Variants in PCDH9 observed in about 807,000 individuals in gnomAD.
PCDH9 encodes the protein protocadherin-9.
A neutral mutation model predicts 70.6 loss-of-function variants in PCDH9; 24 were observed. That is an observed-to-expected ratio of 0.34 (90% confidence interval 0.25 to 0.48). The LOEUF is 0.48. Ranked by LOEUF, PCDH9 falls within the 20% of genes least tolerant of loss-of-function variation. PCDH9 has a pLI of 0.99. For missense variants in PCDH9, 1,281 were observed against 1,503.6 expected, an observed-to-expected ratio of 0.85 and a Z score of 2.45; for synonymous variants, 562 against 558.5, an observed-to-expected ratio of 1.01 and a Z score of -0.09.
chr13:67,135,045 A>T (rs1292185370), intron 2 of PCDH9, among the ~76,000 whole-genome samples: 1 of 152,122 alleles, frequency 6.6e-6, no homozygotes, highest in East Asian at 1.9e-4. Flanking sequence ...AGAAAGATTA[A>T]CATTATCTAC....
At chr13:66,380,536 C>CTTTT (rs59830525) in intron 4 of PCDH9, among the ~76,000 whole-genome samples, 4 of 53,392 alleles carry the variant, frequency 7.5e-5, no homozygotes, top group African/African-American at 1.9e-4. Context: ...AGATCTTGTC[C>CTTTT]TTTTTTTTTT....
chr13:66,528,441 G>C (rs1960304836), intron 4 of PCDH9, among the ~76,000 whole-genome samples: 1 of 152,092 alleles, frequency 6.6e-6, no homozygotes. Context: ...CAAAGTACTG[G>C]CATCTTGCTA....
chr13:66,424,374 G>T (rs1360386483), intron 4 of PCDH9, among the ~76,000 whole-genome samples: 1 of 151,790 alleles, frequency 6.6e-6, no homozygotes, highest in East Asian at 1.9e-4. Flanking sequence ...CAAGCCTACA[G>T]GATAACAGAC....
At chr13:66,460,527 CT>C (rs762937354) in intron 4 of PCDH9, among the ~76,000 whole-genome samples, 9 of 151,858 alleles carry the variant, frequency 5.9e-5, no homozygotes, top group Admixed American at 1.3e-4. Context: ...AGAAACATAA[CT>C]AACATATAAG....
chr13:66,956,387 A>G (rs2083265508), intron 2 of PCDH9, among the ~76,000 whole-genome samples: 1 of 152,204 alleles, frequency 6.6e-6, no homozygotes, highest in African/African-American at 2.4e-5. Flanking sequence ...TGAGGCTTAA[A>G]TTAAGTATTT....
At chr13:66,370,734 A>C (rs1370076843) in intron 4 of PCDH9, among the ~76,000 whole-genome samples, 1 of 151,906 alleles carries the variant, frequency 6.6e-6, no homozygotes, top group Non-Finnish European at 1.5e-5. Context: ...GCCTGGTCTC[A>C]AACTCCTGGG....
intron 2 of PCDH9, among the ~76,000 whole-genome samples, chr13:67,060,456 T>C (rs1033013154): frequency 2.0e-4 from 30 of 152,130 alleles, no homozygotes; most frequent in Non-Finnish European, 4.3e-4. Context: ...ATCTGCTATG[T>C]CACTTCACAA....
At chr13:67,019,253 G>A (rs1482577844) in intron 2 of PCDH9, among the ~76,000 whole-genome samples, 2 of 142,488 alleles carry the variant, frequency 1.4e-5, no homozygotes, top group Admixed American at 7.4e-5. Context: ...GAGTGCAGTG[G>A]TAGGATCTCG....
intron 2 of PCDH9, among the ~76,000 whole-genome samples, chr13:66,907,516 C>T (rs752098251): frequency 5.9e-5 from 9 of 152,194 alleles, no homozygotes; most frequent in Non-Finnish European, 1.3e-4. Flanking sequence ...TCCAAAACAT[C>T]CATTGTAGTT....
rs201867032 is a variant in PCDH9 at position 66,903,594 on chromosome 13, G to T, written c.3048C>A (p.His1016Gln). The T allele has an allele frequency of 6.7e-7, 1 of 1,485,932 alleles. No homozygotes were observed. Among genetic ancestry groups the T allele is most frequent in the Admixed American group, 1.7e-5 (1 of 59,238 alleles). 92.0% of individuals were successfully genotyped at this position (1,485,932 alleles called of 1,614,324 possible). Reference sequence around the variant, plus strand: ...TGACAGGAATATTGTCACTTTTGCTGTGTGAGTTACACTGAAAGAGATTAC... The same window carrying T: ...TGACAGGAATATTGTCACTTTTGCTTTGTGAGTTACACTGAAAGAGATTAC... ...GPLHTRQCNS[H>Q]SKSDNIPVTP... The change falls in exon 3 of 5, where the codon CAC (histidine) becomes CAA (glutamine). Residue 1016 changes from histidine (H) to glutamine (Q), a missense_variant. By Grantham distance (24) the His-to-Gln change is conservative. Coordinates refer to ENST00000377865, the MANE Select transcript of PCDH9 (RefSeq NM_203487.3).
rs767813090 is a variant in PCDH9, at chr13:67,227,888, G to T, written c.553C>A (p.Gln185Lys). Residue 185 changes from glutamine to lysine, a missense_variant, in exon 2 of 5, where the codon CAG (glutamine) becomes AAG (lysine). Coordinates refer to ENST00000377865, the MANE Select transcript of PCDH9 (RefSeq NM_203487.3). The surrounding 1 kb of genome is among the most constrained non-coding windows in gnomAD (Gnocchi z 4.6). ...GVQHYELLNG[Q>K]SVFGLDIVET... ...ACGATATCCAGTCCAAAAACACTCT[G>T]CCCATTTAACAATTCATAATGCTGT... The T allele has an allele frequency of 6.2e-7, 1 of 1,613,844 alleles. No individual in the cohort carries two copies. The highest frequency in any genetic ancestry group is 1.7e-5 in the Admixed American group (1 of 60,012).
At chr13:67,195,894 T>C (rs2089050989) in intron 2 of PCDH9, among the ~76,000 whole-genome samples, 1 of 152,234 alleles carries the variant, frequency 6.6e-6, no homozygotes, top group African/African-American at 2.4e-5. Flanking sequence ...GTTTTAAAAC[T>C]GGTTTATAGG....
chr13:67,066,619 A>T (rs1364507678), intron 2 of PCDH9, among the ~76,000 whole-genome samples: 1 of 152,168 alleles, frequency 6.6e-6, no homozygotes, highest in Non-Finnish European at 1.5e-5. Context: ...CTATTTTTTT[A>T]AATATATGAC....
chr13:67,201,561 C>T lies in PCDH9; in HGVS notation c.3036+23844G>A, dbSNP rs1469821883. On this transcript the variant is annotated intron_variant, in intron 2 of 4. Coordinates refer to ENST00000377865, the MANE Select transcript of PCDH9 (RefSeq NM_203487.3). Reference sequence around the variant, plus strand: ...GTAATAATTTTTATTGATAAATTATCCATATAACATATTTCAACATTATTT... The same window carrying T: ...GTAATAATTTTTATTGATAAATTATTCATATAACATATTTCAACATTATTT... 4 of 151,972 alleles carry T rather than the reference C, an allele frequency of 2.6e-5. No individual in the cohort carries two copies. The East Asian group carries it at 7.7e-4, about 29-fold the overall frequency. The allele number at this position is 151,972 out of a possible 1,614,324, so 9.4% of individuals were successfully genotyped here.
intron 4 of PCDH9, among the ~76,000 whole-genome samples, chr13:66,554,953 T>C (rs1009236769): frequency 2.0e-5 from 3 of 152,112 alleles, no homozygotes; most frequent in Non-Finnish European, 4.4e-5. Context: ...GCAGACCACC[T>C]GAGGTTGGGA....
At chr13:66,904,031 T>TC (rs1566280598) in intron 2 of PCDH9, among the ~76,000 whole-genome samples, 1 of 151,830 alleles carries the variant, frequency 6.6e-6, no homozygotes, top group African/African-American at 2.4e-5. Flanking sequence ...GCATAATTCC[T>TC]CCCCCAACAA....
chr13:67,184,019 G>A (rs191747814), intron 2 of PCDH9, among the ~76,000 whole-genome samples: 121 of 152,272 alleles, frequency 7.9e-4, no homozygotes, highest in African/African-American at 2.7e-3. Flanking sequence ...GTATGTTTAT[G>A]AGAAAACTAG....
intron 2 of PCDH9, among the ~76,000 whole-genome samples, chr13:67,033,607 T>C (rs968461909): frequency 6.6e-6 from 1 of 152,112 alleles, no homozygotes; most frequent in African/African-American, 2.4e-5. Context: ...GTGGCAGGCA[T>C]CTCGTAAACT....
intron 2 of PCDH9, among the ~76,000 whole-genome samples, chr13:66,924,437 T>G (rs2082685180): frequency 6.6e-6 from 1 of 151,850 alleles, no homozygotes; most frequent in Admixed American, 6.6e-5. Flanking sequence ...TTTGTACATA[T>G]TTTCAATCAT....
Sources: allele counts gnomAD v4.1 joint callset (sites outside exome capture counted in the v4.1 genomes callset), GRCh38; gene constraint gnomAD v4.1.1; non-coding constraint Gnocchi (gnomAD v3.1); transcripts MANE v1.5; gene names NCBI Gene and HGNC (gene_info 2026-07-23, HGNC 2026-07-21).